Variants in COL26A1 observed in about 807,000 individuals in gnomAD.
COL26A1 encodes collagen alpha-1(XXVI) chain.
Under a neutral mutation model 59.3 loss-of-function variants are expected in COL26A1, and 41 were observed. The ratio of observed to expected loss-of-function variants is 0.69; its 90% CI spans 0.54 to 0.90. COL26A1 has a LOEUF of 0.90. Among genes scored for constraint, COL26A1 ranks in the 40% least tolerant of loss-of-function variants. COL26A1 has a pLI of 0.00. For missense variants in COL26A1, 612 were observed against 602.3 expected (o/e 1.02, Z -0.17); for synonymous variants, 266 against 256.0 (o/e 1.04, Z -0.37).
chr7:101,474,855 A>G (rs1584440704), intron 3 of COL26A1, among the ~76,000 whole-genome samples: 1 of 152,218 alleles, frequency 6.6e-6, no homozygotes, highest in Admixed American at 6.5e-5. Context: ...GCTAAATTTG[A>G]TAAAAAAGCG....
intron 1 of COL26A1, among the ~76,000 whole-genome samples, chr7:101,387,630 G>GCTCTCTCTCTCT (rs374185692): frequency 2.0e-4 from 27 of 132,422 alleles, no homozygotes; most frequent in African/African-American, 7.6e-4. Flanking sequence ...TCTCTCTCTC[G>GCTCTCTCTCTCT]CTCTCTCTCT....
At chr7:101,464,975 GCA>G (rs1235186717) in intron 3 of COL26A1, among the ~76,000 whole-genome samples, 1 of 151,018 alleles carries the variant, frequency 6.6e-6, no homozygotes, top group East Asian at 1.9e-4. Flanking sequence ...GCCTCCCAAA[GCA>G]CTGGTATTAT....
At chr7:101,495,386 G>A (rs1347463199) in intron 3 of COL26A1, among the ~76,000 whole-genome samples, 1 of 151,788 alleles carries the variant, frequency 6.6e-6, no homozygotes, top group East Asian at 1.9e-4. Flanking sequence ...GCACAGGCAG[G>A]GGCTACGTAT....
At chr7:101,499,708 A>T (rs781668345) in intron 3 of COL26A1, among the ~76,000 whole-genome samples, 3 of 151,586 alleles carry the variant, frequency 2.0e-5, no homozygotes, top group Non-Finnish European at 4.4e-5. Flanking sequence ...AAATAATATT[A>T]AAAAATAAAA....
At chr7:101,410,053 C>A (rs1792208923) in intron 1 of COL26A1, among the ~76,000 whole-genome samples, 1 of 152,016 alleles carries the variant, frequency 6.6e-6, no homozygotes, top group Non-Finnish European at 1.5e-5. Context: ...AGCCACCGCA[C>A]CTGGCCAGAG....
Position 101,557,614 on chromosome 7 carries a change from C to A in COL26A1, c.*84C>A, listed in dbSNP as rs1205469734. ...CCGCCGCTGTTTCCTAAAGATGCCCCCAGGGGAACTGGGCTCCAGGCATGG... is the reference window on the plus strand; with the variant it reads ...CCGCCGCTGTTTCCTAAAGATGCCCACAGGGGAACTGGGCTCCAGGCATGG... On this transcript the variant is annotated 3_prime_UTR_variant, in exon 13 of 13. Coordinates refer to ENST00000313669, the MANE Select transcript of COL26A1 (RefSeq NM_001278563.3). 1.4e-6 allele frequency: 2 copies of A among 1,382,742 alleles called. No homozygotes were observed. The highest frequency in any genetic ancestry group is 2.0e-6 in the Non-Finnish European group (2 of 1,023,500). The allele number at this position is 1,382,742 out of a possible 1,614,324, so 85.7% of individuals were successfully genotyped here.
At chr7:101,534,610 T>TACAC (rs370780560) in intron 4 of COL26A1, among the ~76,000 whole-genome samples, 4 of 151,108 alleles carry the variant, frequency 2.6e-5, no homozygotes, top group Non-Finnish European at 4.4e-5. Flanking sequence ...CAGGCATACA[T>TACAC]ACACACACAC....
chr7:101,421,003 C>T (rs949546671), intron 2 of COL26A1, among the ~76,000 whole-genome samples: 1 of 152,220 alleles, frequency 6.6e-6, no homozygotes, highest in African/African-American at 2.4e-5. Context: ...CCCCAAGCAC[C>T]GTGGAGCCGC....
intron 1 of COL26A1, among the ~76,000 whole-genome samples, chr7:101,363,949 T>C (rs1324897413): frequency 6.6e-6 from 1 of 151,824 alleles, no homozygotes; most frequent in Non-Finnish European, 1.5e-5. Context: ...GCCCAGTCTT[T>C]GGGGCTGAGG....
chr7:101,525,854 C>G (rs1016347312), intron 3 of COL26A1, among the ~76,000 whole-genome samples: 1 of 152,078 alleles, frequency 6.6e-6, no homozygotes, highest in Non-Finnish European at 1.5e-5. Flanking sequence ...CCTTTGACCC[C>G]CCTCCTACAT....
intron 3 of COL26A1, among the ~76,000 whole-genome samples, chr7:101,492,699 AAAATAAATAAATAAAT>A (rs200117030): frequency 0.26 from 37,028 of 141,026 alleles, 5,316 homozygotes; most frequent in Middle Eastern, 0.31. Context: ...TCTGTCTCAA[AAAATAAATAAATAAAT>A]AAATAAATAA....
chr7:101,387,648 TA>T (rs1389556886), intron 1 of COL26A1, among the ~76,000 whole-genome samples: 2 of 142,676 alleles, frequency 1.4e-5, no homozygotes, highest in Admixed American at 7.1e-5. Context: ...TCTCTCTCTT[TA>T]TATATATATA....
chr7:101,541,781 G>C (rs1044296161), intron 5 of COL26A1, among the ~76,000 whole-genome samples: 1 of 152,088 alleles, frequency 6.6e-6, no homozygotes, highest in African/African-American at 2.4e-5. Flanking sequence ...AGTTGCAATC[G>C]ATGAAGCCCT....
Position 101,532,935 on chromosome 7 carries a change from G to T in COL26A1, c.386-147G>T, listed in dbSNP as rs553560684. The T allele has an allele frequency of 3.5e-4, 229 of 654,640 alleles. 2 individuals carry two copies. The South Asian group carries it at 3.8e-3, about 11-fold the overall frequency. The allele number at this position is 654,640 out of a possible 1,614,324, so 40.6% of individuals were successfully genotyped here. ...TGGAGGAGGGGGCTCTGAGGGTAAG[G>T]CTTTGAAGGATGAATAGGAGTTTTC... On this transcript the variant is annotated intron_variant, in intron 3 of 12. Coordinates refer to ENST00000313669, the MANE Select transcript of COL26A1 (RefSeq NM_001278563.3).
chr7:101,496,747 G>A (rs1473793168), intron 3 of COL26A1, among the ~76,000 whole-genome samples: 14 of 152,010 alleles, frequency 9.2e-5, no homozygotes, highest in South Asian at 2.1e-4. Context: ...ATTCCCAGGC[G>A]TGATGGCGCG....
chr7:101,369,276 G>T (rs559835722), intron 1 of COL26A1, among the ~76,000 whole-genome samples: 1 of 151,582 alleles, frequency 6.6e-6, no homozygotes, highest in Non-Finnish European at 1.5e-5. Flanking sequence ...GCATGGTGGC[G>T]CATGCCTGTA....
At chr7:101,508,821 C>G (rs563817109) in intron 3 of COL26A1, among the ~76,000 whole-genome samples, 1 of 152,182 alleles carries the variant, frequency 6.6e-6, no homozygotes, top group South Asian at 2.1e-4. Flanking sequence ...TGTATTAGTT[C>G]GTTTTGTGTT....
At chr7:101,400,843 G>A (rs966350609) in intron 1 of COL26A1, among the ~76,000 whole-genome samples, 2 of 152,144 alleles carry the variant, frequency 1.3e-5, no homozygotes, top group Non-Finnish European at 2.9e-5. Flanking sequence ...ACAGACATGA[G>A]CCACTGCGCC....
At chr7:101,470,590 C>T (rs904700282) in intron 3 of COL26A1, among the ~76,000 whole-genome samples, 1 of 151,976 alleles carries the variant, frequency 6.6e-6, no homozygotes, top group Non-Finnish European at 1.5e-5. Flanking sequence ...TAATCTCTTT[C>T]TATCTCCTGT....
Sources: allele counts gnomAD v4.1 joint callset (sites outside exome capture counted in the v4.1 genomes callset), GRCh38; gene constraint gnomAD v4.1.1; transcripts MANE v1.5; gene names NCBI Gene and HGNC (gene_info 2026-07-23, HGNC 2026-07-21).